HCLS1: variants seen among roughly 807,000 people sequenced by gnomAD.
HCLS1 encodes the protein hematopoietic cell-specific Lyn substrate 1.
Under a neutral mutation model 68.6 loss-of-function variants are expected in HCLS1, and 44 were observed. The observed-to-expected ratio is 0.64, with a 90% CI of 0.50 to 0.82. HCLS1 has a LOEUF of 0.82. Among genes scored for constraint, HCLS1 ranks in the 40% least tolerant of loss-of-function variants. HCLS1 has a pLI of 0.00. For missense variants in HCLS1, 602 were observed against 612.1 expected, an observed-to-expected ratio of 0.98 and a Z score of 0.17; for synonymous variants, 217 against 225.8, an observed-to-expected ratio of 0.96 and a Z score of 0.35.
chr3:121,653,054 T>C (rs149016931), intron 3 of HCLS1, among the ~76,000 whole-genome samples: 11 of 152,330 alleles, frequency 7.2e-5, no homozygotes, highest in Middle Eastern at 6.8e-3. Flanking sequence ...TTTGGAATAT[T>C]TGCATATACA....
At chr3:121,655,873 G>A (rs1002256955) in intron 3 of HCLS1, among the ~76,000 whole-genome samples, 1 of 147,594 alleles carries the variant, frequency 6.8e-6, no homozygotes, top group Admixed American at 6.7e-5. Flanking sequence ...TATTGAGACT[G>A]AGTCTCGCTC....
intron 3 of HCLS1, chr3:121,654,399 T>C (rs1937817706): frequency 6.6e-6 from 1 of 152,228 alleles, no homozygotes; most frequent in African/African-American, 2.4e-5. Context: ...AATTGTATTT[T>C]ATTTTACAAA....
At chr3:121,639,081 TAGAA>T (rs1315231416) in intron 6 of HCLS1, among the ~76,000 whole-genome samples, 2 of 150,046 alleles carry the variant, frequency 1.3e-5, no homozygotes, top group African/African-American at 4.9e-5. Flanking sequence ...CTGACAGAAG[TAGAA>T]AGAGAAATAG....
chr3:121,648,956 A>G (rs1225391664), intron 3 of HCLS1, among the ~76,000 whole-genome samples: 1 of 152,244 alleles, frequency 6.6e-6, no homozygotes, highest in Non-Finnish European at 1.5e-5. Flanking sequence ...AAGTATTCAG[A>G]TGAAAGATCA....
intron 3 of HCLS1, chr3:121,654,426 A>G (rs1046309066): frequency 6.6e-6 from 1 of 152,238 alleles, no homozygotes; most frequent in African/African-American, 2.4e-5. Context: ...AGTCTGTGAC[A>G]GATTTGAAAA....
intron 3 of HCLS1, among the ~76,000 whole-genome samples, chr3:121,653,103 G>T (rs1008291093): frequency 6.6e-6 from 1 of 152,100 alleles, no homozygotes; most frequent in Non-Finnish European, 1.5e-5. Context: ...TGTGTAAACA[G>T]GAAATTCATT....
At chr3:121,639,547 T>TGTG (rs1281610775) in intron 6 of HCLS1, among the ~76,000 whole-genome samples, 2 of 152,046 alleles carry the variant, frequency 1.3e-5, no homozygotes, top group African/African-American at 4.8e-5. Flanking sequence ...TTGTTGTTGT[T>TGTG]GTTGTTGTTG....
chr3:121,652,464 G>A (rs1265625607), intron 3 of HCLS1, among the ~76,000 whole-genome samples: 2 of 152,102 alleles, frequency 1.3e-5, no homozygotes, highest in East Asian at 3.9e-4. Flanking sequence ...GACCAGTCTG[G>A]CCAACATGGT....
Position 121,635,209 on chromosome 3 carries a change from TTCTC to T in HCLS1, c.691+522_691+525del, listed in dbSNP as rs143095062. Among the ~76,000 whole-genome samples, 121 of 136,352 alleles carry T rather than the reference TTCTC, an allele frequency of 8.9e-4. 1 individual carries two copies. The highest frequency in any genetic ancestry group is 6.6e-3 in the East Asian group (31 of 4,664). 89.5% of individuals were successfully genotyped at this position (136,352 alleles called of 152,430 possible). A position where few individuals can be genotyped will look rare whatever the true frequency, so the allele number is the denominator to read the frequency against. ...TTCTCTCTTTCTTTCTTTTCTTTCTTTCTCTCTCTCTCTCTCTTCTCTCCCTTTT... is the reference window on the plus strand; with the variant it reads ...TTCTCTCTTTCTTTCTTTTCTTTCTTTCTCTCTCTCTCTTCTCTCCCTTTT... On this transcript the variant is annotated intron_variant, in intron 9 of 13. Transcript: ENST00000314583.
chr3:121,637,090 G>T, intron 7 of HCLS1, 56 bp downstream of exon 7: 1 of 1,249,990 alleles, frequency 8.0e-7, no homozygotes. Context: ...TTCCAGAAAG[G>T]AAGGAAGGAG....
chr3:121,631,755 G>A lies in HCLS1; in HGVS notation c.*91C>T. ...GGAAGTCTGTCCAGAACCTCATCTG[G>A]TTAGACATTTGCAGCAGGAATAGGG... On this transcript the variant is annotated 3_prime_UTR_variant, in exon 14 of 14. Coordinates refer to ENST00000314583, the MANE Select transcript of HCLS1 (RefSeq NM_005335.6). 1 of 1,417,718 alleles carries A rather than the reference G, an allele frequency of 7.1e-7. No individual in the cohort carries two copies. The highest frequency in any genetic ancestry group is 9.8e-7 in the Non-Finnish European group (1 of 1,018,900). 87.8% of individuals were successfully genotyped at this position (1,417,718 alleles called of 1,614,324 possible).
At chr3:121,658,023 G>A in intron 2 of HCLS1, 2 of 476,112 alleles carry the variant, frequency 4.2e-6, no homozygotes, top group Non-Finnish European at 7.6e-6. Flanking sequence ...AGTGTAGCCT[G>A]CCATGGCCTG....
intron 3 of HCLS1, among the ~76,000 whole-genome samples, chr3:121,649,865 A>G (rs1452020940): frequency 6.6e-6 from 1 of 152,240 alleles, no homozygotes; most frequent in African/African-American, 2.4e-5. Flanking sequence ...TTATTACAAA[A>G]CTAAAAGCAC....
intron 9 of HCLS1, among the ~76,000 whole-genome samples, chr3:121,635,188 CTCTTTCTTTCTTT>C (rs1252824198): frequency 2.0e-5 from 3 of 151,692 alleles, no homozygotes; most frequent in East Asian, 1.9e-4. Context: ...TTGACTTTCT[CTCTTTCTTTCTTT>C]TCTTTCTTTC....
rs1553842772 is a variant in HCLS1 at position 121,632,468 on chromosome 3, G to GGGCTCAGGCTCGGGCTCAGGCTCA, written c.1103_1104insTGAGCCTGAGCCCGAGCCTGAGCC (p.Pro368_Glu375dup). The GGGCTCAGGCTCGGGCTCAGGCTCA allele has an allele frequency of 7.4e-6, 12 of 1,613,146 alleles. No homozygotes were observed. The highest frequency in any genetic ancestry group is 2.2e-5 in the South Asian group (2 of 91,012). ...CATTCTCAGGCTCGGGCTCAGGCTC[G>GGGCTCAGGCTCGGGCTCAGGCTCA]GGCTCAGGCTCAGGCTCTGCTTCGT... On this transcript the variant is annotated inframe_insertion, in exon 12 of 14. Coordinates refer to ENST00000314583, the MANE Select transcript of HCLS1 (RefSeq NM_005335.6).
chr3:121,652,153 T>C (rs1937765217), intron 3 of HCLS1, among the ~76,000 whole-genome samples: 1 of 152,216 alleles, frequency 6.6e-6, no homozygotes, highest in South Asian at 2.1e-4. Flanking sequence ...CATTCTATAT[T>C]ATTCTGTTTG....
chr3:121,660,223 C>G (rs2107483864), intron 1 of HCLS1, among the ~76,000 whole-genome samples: 1 of 152,290 alleles, frequency 6.6e-6, no homozygotes, highest in South Asian at 2.1e-4. Flanking sequence ...GGCAAATCAG[C>G]AATTATCTCT....
chr3:121,641,082 A>C (rs920457319), intron 6 of HCLS1, among the ~76,000 whole-genome samples: 3 of 152,182 alleles, frequency 2.0e-5, no homozygotes, highest in Non-Finnish European at 4.4e-5. Context: ...TCCTATAATG[A>C]AAGTCACATC....
intron 6 of HCLS1, among the ~76,000 whole-genome samples, chr3:121,640,846 GC>G: frequency 7.4e-6 from 1 of 135,822 alleles, no homozygotes; most frequent in Non-Finnish European, 1.6e-5. Flanking sequence ...GGAGGGCAGG[GC>G]AGGGCAGGGC....
Sources: gnomAD v4.1 joint callset for allele counts (sites outside exome capture counted in the v4.1 genomes callset) on GRCh38, gnomAD v4.1.1 for gene constraint, MANE v1.5 for transcripts, NCBI Gene and HGNC (gene_info 2026-07-23, HGNC 2026-07-21) for gene names.